The following TRAK2 variants were observed in gnomAD, a reference collection of about 807,000 sequenced individuals.
TRAK2 encodes trafficking kinesin protein 2, also known as trafficking kinesin-binding protein 2.
A neutral mutation model predicts 104.6 loss-of-function variants in TRAK2; 81 were observed. The observed-to-expected ratio is 0.77, with a 90% CI of 0.65 to 0.93. The LOEUF (loss-of-function observed/expected upper bound fraction) is 0.93, where lower values mean the gene tolerates loss of function less well. Among genes scored for constraint, TRAK2 ranks in the 40% least tolerant of loss-of-function variants. The pLI is 0.00. For synonymous variants in TRAK2, 406 were observed against 394.4 expected, an observed-to-expected ratio of 1.03 and a Z score of -0.35; for missense variants, 1,002 against 1,089.0, an observed-to-expected ratio of 0.92 and a Z score of 1.12.
chr2:201,413,317 T>C, intron 2 of TRAK2: 3 of 1,182,866 alleles, frequency 2.5e-6, no homozygotes, highest in Non-Finnish European at 2.4e-6. Context: ...ATGGCTGCAA[T>C]ATTGGGTAGT....
intron 14 of TRAK2, among the ~76,000 whole-genome samples, chr2:201,385,271 T>A (rs1313473679): frequency 6.6e-6 from 1 of 152,182 alleles, no homozygotes; most frequent in Non-Finnish European, 1.5e-5. Context: ...GACCAACGCA[T>A]GATCTTAAAA....
chr2:201,414,877 A>C (rs1367178837), intron 2 of TRAK2, among the ~76,000 whole-genome samples: 2 of 151,144 alleles, frequency 1.3e-5, no homozygotes, highest in Non-Finnish European at 2.9e-5. Context: ...ATTCATTACA[A>C]GAGATACTAG....
rs1281552113 is a variant in TRAK2 at position 201,392,999 on chromosome 2, A to T, written c.1023T>A (p.His341Gln). The T allele has an allele frequency of 5.6e-6, 9 of 1,613,684 alleles. No individual in the cohort carries two copies. The highest frequency in any genetic ancestry group is 7.6e-6 in the Non-Finnish European group (9 of 1,179,838). The change falls in exon 10 of 16, where the codon CAT becomes CAA. Residue 341 changes from histidine (H) to glutamine (Q), a missense_variant. Physicochemically the swap from His to Gln is conservative, Grantham distance 24 (BLOSUM62 0). Coordinates refer to ENST00000332624, the MANE Select transcript of TRAK2 (RefSeq NM_015049.3). The stretch of plus-strand genomic sequence containing the variant: ...GTTCCTTTATTTCTTCTTGGGATTC[A>T]TGTAACATTCCTAGACACTCCATAT... ...DRNMECLGML[H>Q]ESQEEIKELR...
rs552609456 is a variant in TRAK2, at chr2:201,378,616, G to A, written c.*1927C>T. 1 of 152,104 alleles carries A rather than the reference G, an allele frequency of 6.6e-6. No homozygotes were observed. Among genetic ancestry groups the A allele is most frequent in the East Asian group, 1.9e-4 (1 of 5,182 alleles). The allele number at this position is 152,104 out of a possible 1,614,324, so 9.4% of individuals were successfully genotyped here. On this transcript the variant is annotated 3_prime_UTR_variant, in exon 16 of 16. Coordinates refer to ENST00000332624, the MANE Select transcript of TRAK2 (RefSeq NM_015049.3). ...AATATGCGGGAAATTTAAACAGCAGGGATTCTTCTATTTAATGCCTGCCCC... is the reference window on the plus strand; with the variant it reads ...AATATGCGGGAAATTTAAACAGCAGAGATTCTTCTATTTAATGCCTGCCCC...
intron 13 of TRAK2, among the ~76,000 whole-genome samples, chr2:201,387,225 C>A (rs1951399495): frequency 6.6e-6 from 1 of 152,104 alleles, no homozygotes; most frequent in African/African-American, 2.4e-5. Context: ...ATTTTGAATT[C>A]AAGCTCTTTC....
chr2:201,444,732 G>A (rs1350100113), intron 1 of TRAK2, among the ~76,000 whole-genome samples: 1 of 151,802 alleles, frequency 6.6e-6, no homozygotes. Context: ...GGCAGAGGAG[G>A]CTACTTTACT....
intron 10 of TRAK2, among the ~76,000 whole-genome samples, chr2:201,392,695 C>T (rs924461517): frequency 2.4e-4 from 36 of 152,062 alleles, no homozygotes; most frequent in Non-Finnish European, 1.9e-4. Context: ...ATTATTGATA[C>T]AATATATCTG....
At chr2:201,408,133 T>C (rs1364671396) in intron 2 of TRAK2, among the ~76,000 whole-genome samples, 3 of 152,180 alleles carry the variant, frequency 2.0e-5, no homozygotes, top group Non-Finnish European at 4.4e-5. Context: ...TAACATCTCC[T>C]GATCCCTCCT....
At chr2:201,399,178 C>G (rs11681592) in intron 5 of TRAK2, among the ~76,000 whole-genome samples, 199 bp downstream of exon 5, 76,688 of 151,800 alleles carry the variant, frequency 0.51, 21,130 homozygotes, top group South Asian at 0.67. Context: ...TTTAAGTTGA[C>G]CAAGGTAGTT....
At chr2:201,436,876 T>C (rs1018259756) in intron 1 of TRAK2, among the ~76,000 whole-genome samples, 2 of 152,182 alleles carry the variant, frequency 1.3e-5, no homozygotes, top group Non-Finnish European at 2.9e-5. Context: ...TAACTTAAAA[T>C]GGCGGTGAGT....
intron 2 of TRAK2, among the ~76,000 whole-genome samples, chr2:201,413,874 G>A (rs1465507996): frequency 9.9e-5 from 15 of 152,060 alleles, no homozygotes; most frequent in Admixed American, 9.8e-4. Flanking sequence ...AATTCCTCCA[G>A]GTGTCTAATC....
chr2:201,389,572 G>C, intron 11 of TRAK2, 69 bp from the exon 12 acceptor site: 1 of 1,445,094 alleles, frequency 6.9e-7, no homozygotes, highest in Middle Eastern at 2.3e-4. Context: ...GAGAATGTAT[G>C]TGCAGTCCAT....
intron 10 of TRAK2, among the ~76,000 whole-genome samples, chr2:201,392,154 T>C (rs1289189754): frequency 1.3e-5 from 2 of 152,130 alleles, no homozygotes; most frequent in East Asian, 1.9e-4. Context: ...AAAGAGAGAT[T>C]GAATGATATG....
At chr2:201,451,036 T>C (rs2540449) in intron 1 of TRAK2, among the ~76,000 whole-genome samples, 44,308 of 152,060 alleles carry the variant, frequency 0.29, 6,765 homozygotes, top group Admixed American at 0.38. Flanking sequence ...AAGCCACTCA[T>C]CCTAAAAGAC....
chr2:201,399,037 C>A (rs11681526), intron 5 of TRAK2, among the ~76,000 whole-genome samples: 86,642 of 151,762 alleles, frequency 0.57, 25,989 homozygotes, highest in South Asian at 0.69. Context: ...TAAAGATACC[C>A]ACATATTTGG....
At chr2:201,410,507 AT>A in intron 2 of TRAK2, 1 of 896,504 alleles carries the variant, frequency 1.1e-6, no homozygotes, top group East Asian at 2.4e-5. Flanking sequence ...CAGCTCACCC[AT>A]GATTGGAACT....
At chr2:201,440,844 G>A (rs964301351) in intron 1 of TRAK2, among the ~76,000 whole-genome samples, 2 of 152,114 alleles carry the variant, frequency 1.3e-5, no homozygotes, top group African/African-American at 4.8e-5. Context: ...GCATAAATGG[G>A]TTAATCAGTG....
chr2:201,400,771 T>C (rs1319470588), intron 4 of TRAK2, among the ~76,000 whole-genome samples: 1 of 152,082 alleles, frequency 6.6e-6, no homozygotes, highest in African/African-American at 2.4e-5. Flanking sequence ...GATTAATGCT[T>C]TTCTAGGAAG....
chr2:201,428,162 G>C (rs1032925358), intron 1 of TRAK2, among the ~76,000 whole-genome samples: 4 of 151,992 alleles, frequency 2.6e-5, no homozygotes, highest in Non-Finnish European at 5.9e-5. Flanking sequence ...TGCAGAAGCT[G>C]TTTAGTTTAA....
Sources: allele counts gnomAD v4.1 joint callset (sites outside exome capture counted in the v4.1 genomes callset), GRCh38; gene constraint gnomAD v4.1.1; transcripts MANE v1.5; gene names NCBI Gene and HGNC (gene_info 2026-07-23, HGNC 2026-07-21).